The following GAS2 variants were observed in gnomAD, a reference collection of about 807,000 sequenced individuals.
GAS2 encodes growth arrest-specific protein 2.
GAS2 carries 20 observed loss-of-function variants against 37.5 expected under a neutral mutation model. The ratio of observed to expected loss-of-function variants is 0.53; its 90% CI spans 0.37 to 0.77. The LOEUF (loss-of-function observed/expected upper bound fraction) is 0.77. GAS2 is among the 30% of genes least tolerant of loss of function. GAS2 has a pLI of 0.00. For missense variants in GAS2, 336 were observed against 373.4 expected (o/e 0.90, Z 0.82); for synonymous variants, 144 against 132.2 (o/e 1.09, Z -0.61).
intron 3 of GAS2, among the ~76,000 whole-genome samples, chr11:22,699,213 A>T (rs1374829814): frequency 2.6e-5 from 4 of 152,166 alleles, no homozygotes; most frequent in Non-Finnish European, 4.4e-5. Flanking sequence ...GGAAAAGATG[A>T]ATTTATTGAG....
intron 3 of GAS2, among the ~76,000 whole-genome samples, chr11:22,686,611 A>G (rs1274930914): frequency 2.9e-5 from 4 of 137,946 alleles, no homozygotes; most frequent in African/African-American, 1.1e-4. Context: ...ATAGCCTGGC[A>G]TCATGACACA....
intron 5 of GAS2, 57 bp from the exon 6 acceptor site, chr11:22,749,063 A>G: frequency 6.8e-7 from 1 of 1,462,600 alleles, no homozygotes; most frequent in East Asian, 2.3e-5. Flanking sequence ...CATGTAATAT[A>G]TGGTAATTGT....
intron 7 of GAS2, among the ~76,000 whole-genome samples, chr11:22,757,802 A>C (rs2134344525): frequency 6.6e-6 from 1 of 152,314 alleles, no homozygotes; most frequent in East Asian, 1.9e-4. Flanking sequence ...ATTCTTGAAC[A>C]TATATTGATT....
intron 1 of GAS2, among the ~76,000 whole-genome samples, chr11:22,641,250 A>C (rs1202066665): frequency 8.3e-5 from 12 of 144,552 alleles, no homozygotes; most frequent in Non-Finnish European, 1.2e-4. Context: ...GTGTATATAT[A>C]TATATCTTTA....
At chr11:22,684,392 A>G (rs1849839900) in intron 2 of GAS2, among the ~76,000 whole-genome samples, 1 of 152,174 alleles carries the variant, frequency 6.6e-6, no homozygotes, top group Non-Finnish European at 1.5e-5. Flanking sequence ...AAGAATAGCC[A>G]TTGTTCTTGT....
intron 3 of GAS2, among the ~76,000 whole-genome samples, chr11:22,696,867 C>T (rs1263399054): frequency 4.1e-5 from 6 of 147,970 alleles, no homozygotes; most frequent in Non-Finnish European, 7.5e-5. Context: ...GAGTAGGTTG[C>T]GAAAATTTTC....
intron 3 of GAS2, among the ~76,000 whole-genome samples, 188 bp from the exon 4 acceptor site, chr11:22,726,104 A>G (rs1174761592): frequency 1.3e-5 from 2 of 152,128 alleles, no homozygotes; most frequent in Non-Finnish European, 2.9e-5. Flanking sequence ...ATGTGCTTGC[A>G]GGAACAGATT....
At chr11:22,708,815 T>C (rs1851256948) in intron 3 of GAS2, among the ~76,000 whole-genome samples, 1 of 152,192 alleles carries the variant, frequency 6.6e-6, no homozygotes, top group Non-Finnish European at 1.5e-5. Context: ...AGGAACTTGA[T>C]AGCAGGAGCA....
Position 22,650,362 on chromosome 11 carries a change from T to C in GAS2, c.-20-24488T>C, listed in dbSNP as rs1337504787. ...AGTATGTGGTCAATTTTGGAATAGG[T>C]GTGGTGTGGTGCTGAAAAAAATGTA... On this transcript the variant is annotated intron_variant, in intron 1 of 5. Transcript: ENST00000528582. 5.3e-5 allele frequency among the ~76,000 whole-genome samples: 8 copies of C among 151,064 alleles called. No homozygotes were observed. The East Asian group carries it at 1.6e-3, about 29-fold the overall frequency.
chr11:22,648,881 A>G (rs337504), intron 1 of GAS2, among the ~76,000 whole-genome samples: 1 of 151,808 alleles, frequency 6.6e-6, no homozygotes, highest in Non-Finnish European at 1.5e-5. Context: ...ATTTGACTTC[A>G]TCTTTTCCTA....
intron 3 of GAS2, among the ~76,000 whole-genome samples, chr11:22,687,890 G>T (rs572103702): frequency 2.6e-5 from 4 of 152,330 alleles, no homozygotes; most frequent in Admixed American, 6.5e-5. Flanking sequence ...ATTGCTTATT[G>T]TTGAGGATGG....
chr11:22,644,016 G>T (rs1260200942), intron 1 of GAS2, among the ~76,000 whole-genome samples: 1 of 151,546 alleles, frequency 6.6e-6, no homozygotes, highest in Non-Finnish European at 1.5e-5. Flanking sequence ...TGTCTTAAGA[G>T]AATTAATATA....
chr11:22,698,980 G>T (rs1850687151), intron 3 of GAS2, among the ~76,000 whole-genome samples: 1 of 151,984 alleles, frequency 6.6e-6, no homozygotes, highest in Non-Finnish European at 1.5e-5. Context: ...CTTATTTTGT[G>T]TTTATAATTC....
chr11:22,675,456 C>A (rs1367229220), intron 2 of GAS2, among the ~76,000 whole-genome samples: 2 of 152,150 alleles, frequency 1.3e-5, no homozygotes, highest in East Asian at 3.9e-4. Flanking sequence ...GGAACAAAAT[C>A]ATGTATTCTT....
intron 7 of GAS2, among the ~76,000 whole-genome samples, chr11:22,768,775 G>A (rs1239850751): frequency 3.3e-5 from 5 of 152,120 alleles, no homozygotes; most frequent in Admixed American, 3.3e-4. Context: ...TGGCTTCATA[G>A]ACTATGGGGG....
intron 1 of GAS2, among the ~76,000 whole-genome samples, chr11:22,630,782 T>C (rs1858735293): frequency 1.3e-5 from 2 of 152,332 alleles, no homozygotes; most frequent in South Asian, 4.1e-4. Flanking sequence ...TGTTGAGTAA[T>C]GTGATGCCTC....
chr11:22,802,064 A>G (rs1181933952), intron 7 of GAS2, among the ~76,000 whole-genome samples: 3 of 152,116 alleles, frequency 2.0e-5, no homozygotes, highest in Non-Finnish European at 4.4e-5. Context: ...TCCTCTTGAC[A>G]AGGAATGTGT....
At chr11:22,643,191 A>G (rs535073477) in intron 1 of GAS2, among the ~76,000 whole-genome samples, 2 of 152,240 alleles carry the variant, frequency 1.3e-5, no homozygotes, top group African/African-American at 4.8e-5. Context: ...ACTTGGTTCA[A>G]AGTCTACCAG....
At chr11:22,665,623 C>T (rs990127171), upstream of GAS2, among the ~76,000 whole-genome samples, 4 of 152,094 alleles carry the variant, frequency 2.6e-5, no homozygotes, top group Admixed American at 1.3e-4. Flanking sequence ...GCAAATTGAA[C>T]TAAAATAAAA....
Sources: allele counts gnomAD v4.1 joint callset (sites outside exome capture counted in the v4.1 genomes callset), GRCh38; gene constraint gnomAD v4.1.1; transcripts MANE v1.5; gene names NCBI Gene and HGNC (gene_info 2026-07-23, HGNC 2026-07-21).